The following KIAA1217 variants were observed in gnomAD, a reference collection of about 807,000 sequenced individuals.
KIAA1217 encodes the protein sickle tail protein homolog.
A neutral mutation model predicts 163.9 loss-of-function variants in KIAA1217; 88 were observed. The observed-to-expected ratio is 0.54, with a 90% CI of 0.45 to 0.64. The LOEUF (loss-of-function observed/expected upper bound fraction) is 0.64. Ranked by LOEUF, KIAA1217 falls within the 30% of genes least tolerant of loss-of-function variation. The pLI is 0.00. For synonymous variants in KIAA1217, 903 were observed against 923.1 expected, an observed-to-expected ratio of 0.98 and a Z score of 0.39; for missense variants, 2,372 against 2,475.0, an observed-to-expected ratio of 0.96 and a Z score of 0.88.
At chr10:24,150,477 C>A (rs540162723) in intron 2 of KIAA1217, among the ~76,000 whole-genome samples, 1 of 152,196 alleles carries the variant, frequency 6.6e-6, no homozygotes, top group East Asian at 1.9e-4. Context: ...AGAAGGTCTG[C>A]AGGAGCAGAA....
chr10:24,359,079 TTTC>T lies in KIAA1217; in HGVS notation c.355-21787_355-21785del, dbSNP rs1407547967. ...TTTTTTCTTTTCTTTTCTTTCTTTCTTTCTTTTTTTTTTTTTTTTTGTTTTTTT... is the reference window on the plus strand; with the variant it reads ...TTTTTTCTTTTCTTTTCTTTCTTTCTTTTTTTTTTTTTTTTTTGTTTTTTT... On this transcript the variant is annotated intron_variant, in intron 2 of 20. Transcript: ENST00000376454. Among the ~76,000 whole-genome samples the T allele has an allele frequency of 7.5e-3, 459 of 61,130 alleles. 3 individuals are homozygous for T. The highest frequency in any genetic ancestry group is 0.025 in the Middle Eastern group (3 of 118). The allele number at this position is 61,130 out of a possible 152,430, so 40.1% of individuals were successfully genotyped here. A position where few individuals can be genotyped will look rare whatever the true frequency, so the allele number is the denominator to read the frequency against.
intron 1 of KIAA1217, among the ~76,000 whole-genome samples, chr10:23,735,604 T>C (rs1287476384): frequency 6.6e-6 from 1 of 152,092 alleles, no homozygotes; most frequent in East Asian, 1.9e-4. Flanking sequence ...GAAATGCCTT[T>C]TTGTGTCTTT....
rs375472439 is a variant in KIAA1217 at position 24,030,485 on chromosome 10, C to T, written c.-171+23111C>T. 3.3e-5 allele frequency among the ~76,000 whole-genome samples: 5 copies of T among 152,260 alleles called. No individual in the cohort carries two copies. The East Asian group carries it at 9.7e-4, about 29-fold the overall frequency. On this transcript the variant is annotated intron_variant, in intron 2 of 18. Coordinates refer to the KIAA1217 transcript ENST00000376462. ...CATGACTGTAAGTTTCCTGAGGCCT[C>T]TTCAGCCATGTGCAACTGTGAGTCA...
chr10:23,781,172 G>A (rs1835241402), intron 1 of KIAA1217, among the ~76,000 whole-genome samples: 1 of 152,134 alleles, frequency 6.6e-6, no homozygotes, highest in East Asian at 1.9e-4. Context: ...TTAACTTTTT[G>A]AGGAACCTCT....
At chr10:23,789,752 A>C (rs528958324) in intron 1 of KIAA1217, among the ~76,000 whole-genome samples, 2 of 152,004 alleles carry the variant, frequency 1.3e-5, no homozygotes, top group Admixed American at 1.3e-4. Flanking sequence ...CTTTGGTTAT[A>C]AGTATGGAAG....
intron 2 of KIAA1217, among the ~76,000 whole-genome samples, chr10:24,058,836 G>GGATAA (rs879462947): frequency 6.6e-6 from 1 of 151,974 alleles, no homozygotes; most frequent in Non-Finnish European, 1.5e-5. Flanking sequence ...CTGCAGAGGA[G>GGATAA]GATAACTTTA....
chr10:24,502,485 A>G (rs910024486), intron 9 of KIAA1217, among the ~76,000 whole-genome samples: 7 of 152,148 alleles, frequency 4.6e-5, no homozygotes, highest in African/African-American at 1.4e-4. Flanking sequence ...ATCTTGGTCA[A>G]CAAATCCCGT....
rs1184693824 is a variant in KIAA1217 at position 23,695,041 on chromosome 10, C to A, written c.-514C>A. ...AAGAGGCCACCACTCGGCTGGCAGCCGCGAGCGGCGGCCGAACCTCGGCCC... is the reference window on the plus strand; with the variant it reads ...AAGAGGCCACCACTCGGCTGGCAGCAGCGAGCGGCGGCCGAACCTCGGCCC... On this transcript the variant is annotated 5_prime_UTR_variant, in exon 1 of 19. Coordinates refer to the KIAA1217 transcript ENST00000376462. This position sits in a 1 kb window ranked among gnomAD's most constrained non-coding sequence, Gnocchi z 4.9. 6.6e-6 allele frequency: 1 copy of A among 152,178 alleles called. No homozygotes were observed. The highest frequency in any genetic ancestry group is 2.4e-5 in the African/African-American group (1 of 41,444). The allele number at this position is 152,178 out of a possible 1,614,324, so 9.4% of individuals were successfully genotyped here.
At chr10:24,376,738 G>T (rs1332176112) in intron 2 of KIAA1217, among the ~76,000 whole-genome samples, 1 of 152,094 alleles carries the variant, frequency 6.6e-6, no homozygotes, top group African/African-American at 2.4e-5. Context: ...CTCCAGCCTG[G>T]GCAATAGAGA....
At chr10:23,838,015 T>C (rs561284447) in intron 1 of KIAA1217, among the ~76,000 whole-genome samples, 32 of 152,326 alleles carry the variant, frequency 2.1e-4, no homozygotes, top group African/African-American at 7.7e-4. Flanking sequence ...CTTGTCCTTT[T>C]GTCTTTCTGC....
intron 2 of KIAA1217, among the ~76,000 whole-genome samples, chr10:24,028,863 T>G (rs1848075902): frequency 6.6e-6 from 1 of 152,164 alleles, no homozygotes; most frequent in Admixed American, 6.6e-5. Context: ...GTTGAATATT[T>G]TAAAATGTAT....
chr10:23,757,416 AT>A (rs1833978854), intron 1 of KIAA1217, among the ~76,000 whole-genome samples: 1 of 152,196 alleles, frequency 6.6e-6, no homozygotes. Flanking sequence ...ATTAAAAAAA[AT>A]TATAGCAGCC....
chr10:24,090,876 C>T (rs567163285), intron 2 of KIAA1217, among the ~76,000 whole-genome samples: 1 of 151,938 alleles, frequency 6.6e-6, no homozygotes, highest in East Asian at 1.9e-4. Context: ...AAACAATAGT[C>T]AAATGTCATT....
chr10:24,172,078 A>C (rs902390942), intron 2 of KIAA1217, among the ~76,000 whole-genome samples: 18 of 152,222 alleles, frequency 1.2e-4, no homozygotes, highest in African/African-American at 4.3e-4. Flanking sequence ...GAAACAAAAA[A>C]TTAAGCCCCA....
At position 24,419,891 on chromosome 10, in the gene KIAA1217, T is replaced by G. The variant is rs184769978; in HGVS notation, c.554-13104T>G. On this transcript the variant is annotated intron_variant, in intron 3 of 20. Transcript: ENST00000376454. ...CGTATCCTTTTATAAGTTTCGGTGT[T>G]CACTCAGCATTATGTTTTTGAGATT... is the stretch of plus-strand genomic sequence containing the variant. 2.0e-5 allele frequency among the ~76,000 whole-genome samples: 3 copies of G among 152,290 alleles called. No homozygotes were observed. The East Asian group carries it at 5.8e-4, about 29-fold the overall frequency.
chr10:23,976,554 A>T (rs1323085917), intron 1 of KIAA1217, among the ~76,000 whole-genome samples: 1 of 152,166 alleles, frequency 6.6e-6, no homozygotes, highest in Admixed American at 6.5e-5. Context: ...ATATTCCTCA[A>T]TACTCAACCA....
chr10:23,747,439 G>C (rs1588709670), intron 1 of KIAA1217, among the ~76,000 whole-genome samples: 1 of 152,072 alleles, frequency 6.6e-6, no homozygotes, highest in African/African-American at 2.4e-5. Flanking sequence ...GATAAAGACT[G>C]TATCTTTGGT....
At chr10:24,319,858 T>A (rs1170348988) in intron 2 of KIAA1217, among the ~76,000 whole-genome samples, 1 of 152,196 alleles carries the variant, frequency 6.6e-6, no homozygotes, top group Admixed American at 6.5e-5. Context: ...CCTCTTGACA[T>A]TTATTGGAAT....
chr10:24,224,810 T>C (rs1261467593), intron 2 of KIAA1217, among the ~76,000 whole-genome samples: 1 of 151,374 alleles, frequency 6.6e-6, no homozygotes, highest in Non-Finnish European at 1.5e-5. Context: ...AAATTAGTAC[T>C]TAAAATCATT....
Sources: gnomAD v4.1 joint callset for allele counts (sites outside exome capture counted in the v4.1 genomes callset) on GRCh38, gnomAD v4.1.1 for gene constraint, Gnocchi (gnomAD v3.1) non-coding constraint, MANE v1.5 for transcripts, NCBI Gene and HGNC (gene_info 2026-07-23, HGNC 2026-07-21) for gene names.